ERC1: variants seen among roughly 807,000 people sequenced by gnomAD.
ERC1 encodes the protein RAB6 interacting protein 2.
ERC1 carries 56 observed loss-of-function variants against 132.0 expected under a neutral mutation model. The observed-to-expected ratio is 0.42, with a 90% CI of 0.34 to 0.53. The LOEUF (loss-of-function observed/expected upper bound fraction) is 0.53, where lower values mean the gene tolerates loss of function less well. Among genes scored for constraint, ERC1 ranks in the 20% least tolerant of loss-of-function variants. ERC1 has a pLI of 0.03. For synonymous variants in ERC1, 478 were observed against 476.1 expected, an observed-to-expected ratio of 1.00 and a Z score of -0.05; for missense variants, 1,202 against 1,349.9, an observed-to-expected ratio of 0.89 and a Z score of 1.72.
At chr12:1,422,486 T>A (rs555589709) in intron 17 of ERC1, among the ~76,000 whole-genome samples, 5 of 152,294 alleles carry the variant, frequency 3.3e-5, no homozygotes, top group African/African-American at 1.2e-4. Context: ...CTTAACATAT[T>A]GTCCTCCCAG....
chr12:1,488,510 A>C (rs1236654823), intron 18 of ERC1, among the ~76,000 whole-genome samples: 1 of 151,990 alleles, frequency 6.6e-6, no homozygotes, highest in African/African-American at 2.4e-5. Context: ...GGCAATATAG[A>C]CTCCCATCTC....
intron 17 of ERC1, among the ~76,000 whole-genome samples, chr12:1,427,448 G>C (rs1195277995): frequency 6.6e-6 from 1 of 152,156 alleles, no homozygotes; most frequent in Non-Finnish European, 1.5e-5. Flanking sequence ...CAGCATTACT[G>C]TTTCTCTTAT....
intron 15 of ERC1, among the ~76,000 whole-genome samples, chr12:1,337,462 T>C (rs1270936664): frequency 6.6e-6 from 1 of 152,166 alleles, no homozygotes; most frequent in Non-Finnish European, 1.5e-5. Context: ...CTCTTGAAGA[T>C]AGCACACTGG....
intron 14 of ERC1, among the ~76,000 whole-genome samples, chr12:1,277,384 T>C (rs1222826546): frequency 6.6e-6 from 1 of 152,240 alleles, no homozygotes; most frequent in Non-Finnish European, 1.5e-5. Context: ...TCATCACTGG[T>C]AAATTTGACA....
In ERC1 at chr12:1,485,412, C is replaced by T. The variant is rs146098385; in HGVS notation, c.3214-4681C>T. ...TAGAGACAGAGTTTCACCACATTGG[C>T]CAGGCTGGTCTTGAACTCCTGACCT... is the stretch of plus-strand genomic sequence containing the variant. On this transcript the variant is annotated intron_variant, in intron 18 of 18. Coordinates refer to ENST00000360905, the MANE Select transcript of ERC1 (RefSeq NM_178040.4). Among the ~76,000 whole-genome samples, 275 of 151,640 alleles carry T rather than the reference C, an allele frequency of 1.8e-3. 2 individuals carry two copies. The highest frequency in any genetic ancestry group is 5.5e-3 in the African/African-American group (227 of 41,294).
intron 2 of ERC1, among the ~76,000 whole-genome samples, chr12:1,073,396 C>T (rs1940773489): frequency 6.6e-6 from 1 of 152,084 alleles, no homozygotes; most frequent in Non-Finnish European, 1.5e-5. Context: ...AGATGAGGTG[C>T]CTCATACCTG....
At chr12:1,325,110 G>T (rs1186309049) in intron 15 of ERC1, among the ~76,000 whole-genome samples, 4 of 152,124 alleles carry the variant, frequency 2.6e-5, no homozygotes, top group African/African-American at 9.7e-5. Context: ...TAAAGACTTG[G>T]CTTTAGTCTT....
At chr12:1,151,468 C>A (rs939915657) in intron 8 of ERC1, among the ~76,000 whole-genome samples, 2 of 152,188 alleles carry the variant, frequency 1.3e-5, no homozygotes, top group Admixed American at 1.3e-4. Flanking sequence ...AGACTCAATG[C>A]AAGAAATCCC....
At position 1,369,865 on chromosome 12, in the gene ERC1, A is replaced by G. The variant is rs758111732; in HGVS notation, c.2781-1968A>G. Reference sequence around the variant, plus strand: ...ACTAGTGAAACAAATCTTTATTTCCATGATGTAAACCGAGTACACATCTTC... The same window carrying G: ...ACTAGTGAAACAAATCTTTATTTCCGTGATGTAAACCGAGTACACATCTTC... On this transcript the variant is annotated intron_variant, in intron 15 of 18. Coordinates refer to ENST00000360905, the MANE Select transcript of ERC1 (RefSeq NM_178040.4). Among the ~76,000 whole-genome samples, 3 of 152,342 alleles carry G rather than the reference A, an allele frequency of 2.0e-5. No homozygotes were observed. In the South Asian group the frequency reaches 6.2e-4, roughly 32 times the overall value.
At chr12:1,066,968 C>T (rs1939328830) in intron 2 of ERC1, among the ~76,000 whole-genome samples, 1 of 152,040 alleles carries the variant, frequency 6.6e-6, no homozygotes, top group African/African-American at 2.4e-5. Context: ...CCACCACACC[C>T]AGCTAGTTTT....
At chr12:1,292,719 GC>G (rs1404616374) in intron 15 of ERC1, among the ~76,000 whole-genome samples, 1 of 152,174 alleles carries the variant, frequency 6.6e-6, no homozygotes, top group East Asian at 1.9e-4. Context: ...GATTAAGAGA[GC>G]TGTTAACAGG....
rs1404740533 is a variant in ERC1 at position 1,097,161 on chromosome 12, G to T, written c.1087-7589G>T. ...CTGGAATGACAATTCCATCATCTTT[G>T]TAATATCCATGTTTATTTCAGTGGA... On this transcript the variant is annotated intron_variant, in intron 3 of 18. Coordinates refer to ENST00000360905, the MANE Select transcript of ERC1 (RefSeq NM_178040.4). 2.0e-5 allele frequency among the ~76,000 whole-genome samples: 3 copies of T among 151,672 alleles called. No homozygotes were observed. The East Asian group carries it at 5.8e-4, about 29-fold the overall frequency.
At chr12:1,139,402 G>T (rs899232904) in intron 7 of ERC1, among the ~76,000 whole-genome samples, 1 of 152,128 alleles carries the variant, frequency 6.6e-6, no homozygotes, top group Non-Finnish European at 1.5e-5. Context: ...TAAGAGTAAT[G>T]ATGCTGGCAT....
chr12:990,289 T>C (rs1959169283), upstream of ERC1: 1 of 152,064 alleles, frequency 6.6e-6, no homozygotes, highest in Non-Finnish European at 1.5e-5. Flanking sequence ...ATTCTTACTT[T>C]CTTGGTTTAG....
At chr12:1,110,018 G>A (rs1463591612) in intron 4 of ERC1, among the ~76,000 whole-genome samples, 174 bp from the exon 5 acceptor site, 1 of 152,232 alleles carries the variant, frequency 6.6e-6, no homozygotes, top group Non-Finnish European at 1.5e-5. Context: ...CTGCACTAGA[G>A]CCTGGGCGAC....
At chr12:1,279,657 A>ACT (rs1224178866) in intron 14 of ERC1, among the ~76,000 whole-genome samples, 1 of 118,616 alleles carries the variant, frequency 8.4e-6, no homozygotes, top group African/African-American at 3.2e-5. Context: ...TTCAAAGCAG[A>ACT]CTTTTTTTTT....
intron 8 of ERC1, among the ~76,000 whole-genome samples, chr12:1,178,509 AT>A (rs1324577726): frequency 6.6e-6 from 1 of 152,162 alleles, no homozygotes; most frequent in East Asian, 1.9e-4. Context: ...GAATGGAGAT[AT>A]GTGATCAATA....
intron 8 of ERC1, among the ~76,000 whole-genome samples, chr12:1,148,788 G>C (rs1199531257): frequency 6.6e-6 from 1 of 152,114 alleles, no homozygotes; most frequent in Non-Finnish European, 1.5e-5. Flanking sequence ...TTTTAGTAGA[G>C]ACGGGATTTC....
chr12:1,244,963 A>G (rs1267354501), intron 13 of ERC1: 3 of 152,564 alleles, frequency 2.0e-5, no homozygotes, highest in Admixed American at 6.5e-5. Context: ...TGCAGGGTTC[A>G]TTTTCACTTT....
Sources: allele counts gnomAD v4.1 joint callset (sites outside exome capture counted in the v4.1 genomes callset), GRCh38; gene constraint gnomAD v4.1.1; transcripts MANE v1.5; gene names NCBI Gene and HGNC (gene_info 2026-07-23, HGNC 2026-07-21).